The following FILIP1L variants were observed in gnomAD, a reference collection of about 807,000 sequenced individuals.
FILIP1L encodes filamin A interacting protein 1 like.
FILIP1L carries 55 observed loss-of-function variants against 96.6 expected under a neutral mutation model. The observed-to-expected ratio is 0.57, with a 90% confidence interval of 0.46 to 0.71. The LOEUF (loss-of-function observed/expected upper bound fraction) is 0.71, where lower values mean the gene tolerates loss of function less well. Among genes scored for constraint, FILIP1L ranks in the 30% least tolerant of loss-of-function variants. FILIP1L has a pLI of 0.00. For missense variants in FILIP1L, 1,304 were observed against 1,321.2 expected, an observed-to-expected ratio of 0.99 and a Z score of 0.20; for synonymous variants, 467 against 473.9, an observed-to-expected ratio of 0.99 and a Z score of 0.19.
At chr3:99,903,873 C>T (rs961929079) in intron 4 of FILIP1L, among the ~76,000 whole-genome samples, 3 of 152,138 alleles carry the variant, frequency 2.0e-5, no homozygotes, top group Non-Finnish European at 4.4e-5. Context: ...CTGTCGTCCC[C>T]TGCTGCTTCA....
At chr3:99,953,116 A>T (rs997220425) in intron 1 of FILIP1L, among the ~76,000 whole-genome samples, 9 of 152,240 alleles carry the variant, frequency 5.9e-5, no homozygotes, top group African/African-American at 1.9e-4. Context: ...CTGCATACTT[A>T]AAGGTCAATG....
At chr3:100,087,567 TTTTG>T (rs1458503915) in intron 1 of FILIP1L, among the ~76,000 whole-genome samples, 2 of 152,202 alleles carry the variant, frequency 1.3e-5, no homozygotes, top group African/African-American at 4.8e-5. Context: ...CTTTTGCTTT[TTTTG>T]TTTAATTGTT....
chr3:99,901,691 C>T (rs1308376269), intron 4 of FILIP1L, among the ~76,000 whole-genome samples: 1 of 152,170 alleles, frequency 6.6e-6, no homozygotes, highest in African/African-American at 2.4e-5. Flanking sequence ...TGTAACTCTA[C>T]TCTCAGCCAA....
intron 1 of FILIP1L, among the ~76,000 whole-genome samples, chr3:100,094,538 G>A (rs2066168298): frequency 6.6e-6 from 1 of 151,948 alleles, no homozygotes; most frequent in East Asian, 1.9e-4. Context: ...TATTTTCTAA[G>A]AGAATTTTAT....
chr3:99,920,544 T>C (rs1197829471), intron 4 of FILIP1L, among the ~76,000 whole-genome samples: 1 of 152,212 alleles, frequency 6.6e-6, no homozygotes, highest in East Asian at 1.9e-4. Flanking sequence ...TCAGTGAACG[T>C]TGTCATGAAA....
chr3:99,929,602 G>C (rs1348161053), intron 3 of FILIP1L, among the ~76,000 whole-genome samples: 5 of 152,116 alleles, frequency 3.3e-5, no homozygotes, highest in Non-Finnish European at 7.4e-5. Context: ...ACATGCACGT[G>C]AGAGTGGGGA....
At chr3:100,014,181 T>C (rs567680484) in intron 1 of FILIP1L, among the ~76,000 whole-genome samples, 1 of 151,076 alleles carries the variant, frequency 6.6e-6, no homozygotes, top group South Asian at 2.1e-4. Flanking sequence ...AATAGTAGTA[T>C]TACATTGTAT....
At chr3:99,929,487 AG>A (rs1275859096) in intron 3 of FILIP1L, among the ~76,000 whole-genome samples, 1 of 151,868 alleles carries the variant, frequency 6.6e-6, no homozygotes, top group African/African-American at 2.4e-5. Context: ...TTTTTATTAC[AG>A]CCTGGGTACC....
intron 1 of FILIP1L, among the ~76,000 whole-genome samples, chr3:99,989,304 C>T (rs2107125429): frequency 6.6e-6 from 1 of 152,292 alleles, no homozygotes; most frequent in East Asian, 1.9e-4. Context: ...CTCTTGACTG[C>T]ATGTCTAGGA....
intron 3 of FILIP1L, among the ~76,000 whole-genome samples, chr3:99,925,464 C>T (rs1319628138): frequency 6.6e-6 from 1 of 152,156 alleles, no homozygotes; most frequent in African/African-American, 2.4e-5. Flanking sequence ...GCCCAGTTTA[C>T]AGACTGGAAA....
At chr3:99,937,448 T>C (rs1274612605) in intron 1 of FILIP1L, among the ~76,000 whole-genome samples, 2 of 152,236 alleles carry the variant, frequency 1.3e-5, no homozygotes, top group East Asian at 1.9e-4. Flanking sequence ...CATATTGAAG[T>C]GGCAGGAGAC....
At chr3:99,838,057 C>T (rs1330923846) in intron 5 of FILIP1L, among the ~76,000 whole-genome samples, 4 of 152,232 alleles carry the variant, frequency 2.6e-5, no homozygotes, top group African/African-American at 9.6e-5. Context: ...GTACCTCCTG[C>T]TCTGCACATA....
intron 1 of FILIP1L, among the ~76,000 whole-genome samples, chr3:100,035,430 C>T (rs930917831): frequency 2.0e-5 from 3 of 152,128 alleles, no homozygotes; most frequent in East Asian, 1.9e-4. Flanking sequence ...CATGCCACCA[C>T]GCCCAGCTAA....
At chr3:99,913,095 C>T (rs1002474850) in intron 4 of FILIP1L, among the ~76,000 whole-genome samples, 7 of 152,048 alleles carry the variant, frequency 4.6e-5, no homozygotes, top group East Asian at 1.9e-4. Flanking sequence ...GAGACGACAG[C>T]GGTTTACAAC....
chr3:100,019,846 G>A (rs1394541628), intron 1 of FILIP1L, among the ~76,000 whole-genome samples: 1 of 151,952 alleles, frequency 6.6e-6, no homozygotes, highest in Non-Finnish European at 1.5e-5. Flanking sequence ...TTTTTTTAAT[G>A]TACTTGGCAT....
intron 1 of FILIP1L, among the ~76,000 whole-genome samples, chr3:100,071,090 CTTTTTTTTTT>C (rs61563009): frequency 1.4e-4 from 10 of 70,588 alleles, no homozygotes; most frequent in African/African-American, 3.1e-4. Flanking sequence ...GCTACTCTCT[CTTTTTTTTTT>C]TTTTTTTTTT....
intron 1 of FILIP1L, chr3:100,010,229 A>G: frequency 1.7e-6 from 1 of 574,800 alleles, no homozygotes; most frequent in Non-Finnish European, 2.2e-6. Flanking sequence ...CATTTTTGTG[A>G]TTTCTCAGTA....
intron 1 of FILIP1L, among the ~76,000 whole-genome samples, chr3:100,096,435 G>A (rs1193439520): frequency 6.6e-6 from 1 of 152,164 alleles, no homozygotes; most frequent in Non-Finnish European, 1.5e-5. Context: ...AGCCATAAAA[G>A]ATAATGAGAT....
At chr3:100,015,355 G>A (rs186080748) in intron 1 of FILIP1L, among the ~76,000 whole-genome samples, 126 of 152,150 alleles carry the variant, frequency 8.3e-4, no homozygotes, top group Admixed American at 1.3e-4. Flanking sequence ...CTTTTTGCTC[G>A]AGATTGGAGT....
Sources: gnomAD v4.1 joint callset for allele counts (sites outside exome capture counted in the v4.1 genomes callset) on GRCh38, gnomAD v4.1.1 for gene constraint, MANE v1.5 for transcripts, NCBI Gene and HGNC (gene_info 2026-07-23, HGNC 2026-07-21) for gene names.